BNC2: variants seen among roughly 807,000 people sequenced by gnomAD.
BNC2 encodes zinc finger protein basonuclin-2.
A neutral mutation model predicts 76.3 loss-of-function variants in BNC2; 20 were observed. The ratio of observed to expected loss-of-function variants is 0.26; its 90% CI spans 0.18 to 0.38. The LOEUF is 0.38. BNC2 is among the 10% of genes least tolerant of loss of function. The pLI is 1.00. For missense variants in BNC2, 1,382 were observed against 1,399.8 expected (o/e 0.99, Z 0.20); for synonymous variants, 582 against 514.8 (o/e 1.13, Z -1.77).
At chr9:16,614,463 G>GGA (rs1554688681) in intron 3 of BNC2, among the ~76,000 whole-genome samples, 4 of 146,028 alleles carry the variant, frequency 2.7e-5, no homozygotes, top group African/African-American at 1.0e-4. Flanking sequence ...ACCTTTTCTT[G>GGA]AAAAAAAAAA....
chr9:16,759,630 T>A (rs1450378293), intron 1 of BNC2, among the ~76,000 whole-genome samples: 2 of 152,216 alleles, frequency 1.3e-5, no homozygotes, highest in Non-Finnish European at 2.9e-5. Context: ...TTTATTGGTA[T>A]CTATTTTAAA....
intron 3 of BNC2, among the ~76,000 whole-genome samples, chr9:16,712,199 C>A (rs1302786412): frequency 6.6e-6 from 1 of 152,170 alleles, no homozygotes; most frequent in African/African-American, 2.4e-5. Context: ...CTTCAAGTAG[C>A]ATGATCATTA....
intron 1 of BNC2, among the ~76,000 whole-genome samples, chr9:16,743,214 G>T (rs1824900902): frequency 6.6e-6 from 1 of 151,086 alleles, no homozygotes; most frequent in Non-Finnish European, 1.5e-5. Flanking sequence ...CATCTCCAAA[G>T]AAACTACACG....
At chr9:16,805,315 A>G (rs549258125) in intron 1 of BNC2, among the ~76,000 whole-genome samples, 23 of 151,684 alleles carry the variant, frequency 1.5e-4, no homozygotes, top group Middle Eastern at 3.4e-3. Flanking sequence ...TTCAAAGGAA[A>G]TTCATTATTT....
chr9:16,570,054 A>G (rs1819276854), intron 4 of BNC2, among the ~76,000 whole-genome samples: 1 of 152,218 alleles, frequency 6.6e-6, no homozygotes, highest in East Asian at 1.9e-4. Context: ...TTCTTCTGTA[A>G]GAAAATAATC....
intron 1 of BNC2, among the ~76,000 whole-genome samples, chr9:16,748,652 G>A (rs1382391022): frequency 6.6e-6 from 1 of 151,838 alleles, no homozygotes; most frequent in Non-Finnish European, 1.5e-5. Flanking sequence ...AGATCAGACT[G>A]GCCAACACGG....
At chr9:16,814,068 A>G (rs1034287450) in intron 1 of BNC2, among the ~76,000 whole-genome samples, 1 of 152,178 alleles carries the variant, frequency 6.6e-6, no homozygotes, top group African/African-American at 2.4e-5. Flanking sequence ...GGTGACACGG[A>G]CCACTGGGCT....
chr9:16,763,458 T>C (rs958555669), intron 1 of BNC2, among the ~76,000 whole-genome samples: 1 of 151,890 alleles, frequency 6.6e-6, no homozygotes, highest in African/African-American at 2.4e-5. Context: ...TGGTCCCAGC[T>C]ACATGGGAAG....
At chr9:16,656,721 T>G (rs1450747636) in intron 3 of BNC2, among the ~76,000 whole-genome samples, 1 of 152,148 alleles carries the variant, frequency 6.6e-6, no homozygotes, top group Non-Finnish European at 1.5e-5. Flanking sequence ...CTTAACAAAT[T>G]TCTAGATGCA....
intron 5 of BNC2, among the ~76,000 whole-genome samples, chr9:16,448,903 G>A (rs1423532637): frequency 1.3e-5 from 2 of 152,126 alleles, no homozygotes; most frequent in Non-Finnish European, 2.9e-5. Context: ...ATACACATGT[G>A]TGTATAATTA....
At chr9:16,769,756 G>A (rs1563934690) in intron 1 of BNC2, among the ~76,000 whole-genome samples, 1 of 152,188 alleles carries the variant, frequency 6.6e-6, no homozygotes, top group Non-Finnish European at 1.5e-5. Flanking sequence ...CAGAATGCCT[G>A]GCACACAATA....
Position 16,418,996 on chromosome 9 carries a change from A to G in BNC2, c.3293T>C (p.Val1098Ala). 7 of 1,614,062 alleles carry G rather than the reference A, an allele frequency of 4.3e-6. No individual in the cohort carries two copies. Among genetic ancestry groups the G allele is most frequent in the Non-Finnish European group, 5.1e-6 (6 of 1,180,002 alleles). Reference protein sequence around the residue: ...NLHKNIPFTSVD With the variant: ...NLHKNIPFTSAD ...GTAGTGTCCATTCTGAGACTAATCTACTGAAGTGAAGGGAATGTTTTTGTG... is the reference window on the plus strand; with the variant it reads ...GTAGTGTCCATTCTGAGACTAATCTGCTGAAGTGAAGGGAATGTTTTTGTG... Residue 1098 changes from valine (V) to alanine (A), a missense_variant, in exon 7 of 7, where the codon GTA (valine) becomes GCA (alanine). By Grantham distance (64) the Val-to-Ala change is moderately conservative. Coordinates refer to ENST00000380672, the MANE Select transcript of BNC2 (RefSeq NM_017637.6).
chr9:16,755,850 C>G (rs1825369420), intron 1 of BNC2, among the ~76,000 whole-genome samples: 1 of 152,174 alleles, frequency 6.6e-6, no homozygotes, highest in African/African-American at 2.4e-5. Context: ...ACCATTTTAT[C>G]CTTCTCCGCT....
chr9:16,576,315 T>C (rs956015124), intron 4 of BNC2, among the ~76,000 whole-genome samples: 5 of 152,216 alleles, frequency 3.3e-5, no homozygotes, highest in Admixed American at 1.3e-4. Flanking sequence ...ATATGGACAC[T>C]GTTGTGGAGT....
At chr9:16,548,056 C>T (rs2132473010) in intron 5 of BNC2, among the ~76,000 whole-genome samples, 1 of 152,180 alleles carries the variant, frequency 6.6e-6, no homozygotes, top group East Asian at 1.9e-4. Context: ...GCATCAATAC[C>T]ACTCTTCTTA....
chr9:16,660,242 G>A (rs1388008878), intron 3 of BNC2, among the ~76,000 whole-genome samples: 2 of 152,138 alleles, frequency 1.3e-5, no homozygotes, highest in African/African-American at 2.4e-5. Flanking sequence ...ATCACCTGAG[G>A]TTGGCAGTTC....
chr9:16,731,873 G>T (rs923392827), intron 2 of BNC2, among the ~76,000 whole-genome samples: 2 of 152,058 alleles, frequency 1.3e-5, no homozygotes, highest in Admixed American at 1.3e-4. Context: ...ATTAAAAGTT[G>T]TAATTGCAGG....
chr9:16,492,271 T>G (rs1651628176), intron 5 of BNC2, among the ~76,000 whole-genome samples: 1 of 152,208 alleles, frequency 6.6e-6, no homozygotes, highest in African/African-American at 2.4e-5. Context: ...AGGTTCACTT[T>G]AAAGCAGCAA....
In BNC2 at chr9:16,646,993, C is replaced by G. The variant is rs1044044206; in HGVS notation, c.331-63908G>C. On this transcript the variant is annotated intron_variant, in intron 3 of 6. Transcript: ENST00000380672. Reference sequence around the variant, plus strand: ...TAGACCATGCCCACCCATGAGCAGACATGAGAGAGCAAGTTAAAAGTATTA... The same window carrying G: ...TAGACCATGCCCACCCATGAGCAGAGATGAGAGAGCAAGTTAAAAGTATTA... Among the ~76,000 whole-genome samples the G allele has an allele frequency of 4.6e-5, 7 of 152,040 alleles. No homozygotes were observed. In the East Asian group the frequency reaches 1.2e-3, roughly 25 times the overall value.
Sources: gnomAD v4.1 joint callset for allele counts (sites outside exome capture counted in the v4.1 genomes callset) on GRCh38, gnomAD v4.1.1 for gene constraint, MANE v1.5 for transcripts, NCBI Gene and HGNC (gene_info 2026-07-23, HGNC 2026-07-21) for gene names.